CTIF: variants seen among roughly 807,000 people sequenced by gnomAD.
The protein encoded by CTIF is cap binding complex dependent translation initiation factor.
Under a neutral mutation model 66.0 loss-of-function variants are expected in CTIF, and 21 were observed. The ratio of observed to expected loss-of-function variants is 0.32; its 90% CI spans 0.23 to 0.46. The LOEUF (loss-of-function observed/expected upper bound fraction) is 0.46, where lower values mean the gene tolerates loss of function less well. Ranked by LOEUF, CTIF falls within the 20% of genes least tolerant of loss-of-function variation. The pLI, the probability that CTIF is intolerant of heterozygous loss-of-function variation, is 1.00. For missense variants in CTIF, 739 were observed against 812.7 expected (o/e 0.91, Z 1.10); for synonymous variants, 345 against 326.4 (o/e 1.06, Z -0.62).
At chr18:48,759,698 G>A (rs938382064) in intron 8 of CTIF, among the ~76,000 whole-genome samples, 1 of 152,246 alleles carries the variant, frequency 6.6e-6, no homozygotes, top group African/African-American at 2.4e-5. Context: ...AAGGTTAAAT[G>A]AAATAACGTG....
chr18:48,713,915 G>T (rs995632725), intron 7 of CTIF, among the ~76,000 whole-genome samples: 3 of 152,212 alleles, frequency 2.0e-5, no homozygotes, highest in Admixed American at 1.3e-4. Flanking sequence ...TGTGCTCGTC[G>T]GGGCGCCCCG....
chr18:48,597,718 C>G (rs533444884), intron 1 of CTIF, among the ~76,000 whole-genome samples: 7 of 152,168 alleles, frequency 4.6e-5, no homozygotes, highest in Admixed American at 4.6e-4. Context: ...ACCAATGAAG[C>G]CTTTTTTCTT....
chr18:48,579,507 T>C (rs1442294833), intron 1 of CTIF, among the ~76,000 whole-genome samples: 1 of 152,206 alleles, frequency 6.6e-6, no homozygotes, highest in African/African-American at 2.4e-5. Flanking sequence ...AAAATGTTTT[T>C]TCCATTGAAT....
At chr18:48,853,670 C>G (rs1278642083) in intron 10 of CTIF, among the ~76,000 whole-genome samples, 1 of 152,220 alleles carries the variant, frequency 6.6e-6, no homozygotes, top group Non-Finnish European at 1.5e-5. Flanking sequence ...GAAAGTGGCT[C>G]TGGCCAATCA....
At chr18:48,802,968 G>A (rs2068076499) in intron 9 of CTIF, among the ~76,000 whole-genome samples, 1 of 152,236 alleles carries the variant, frequency 6.6e-6, no homozygotes, top group Non-Finnish European at 1.5e-5. Flanking sequence ...CACAGCCACA[G>A]CAGGTGCTGG....
intron 1 of CTIF, among the ~76,000 whole-genome samples, chr18:48,543,010 G>GC (rs2088656916): frequency 1.3e-5 from 2 of 152,220 alleles, no homozygotes; most frequent in African/African-American, 4.8e-5. Flanking sequence ...TCTCACTCAG[G>GC]CCCTGCCTGG....
At chr18:48,569,398 C>T (rs1463692163) in intron 1 of CTIF, among the ~76,000 whole-genome samples, 1 of 151,050 alleles carries the variant, frequency 6.6e-6, no homozygotes. Context: ...GAACAAAGAT[C>T]AGCAAGTGAT....
intron 2 of CTIF, among the ~76,000 whole-genome samples, chr18:48,632,161 A>G (rs9949975): frequency 0.015 from 2,333 of 152,294 alleles, 62 homozygotes; most frequent in African/African-American, 0.054. Flanking sequence ...GGGCCAGGGA[A>G]GAAGCGTGTC....
intron 6 of CTIF, among the ~76,000 whole-genome samples, chr18:48,678,804 G>A (rs1429089989): frequency 6.6e-6 from 1 of 152,052 alleles, no homozygotes; most frequent in Non-Finnish European, 1.5e-5. Flanking sequence ...GGCTTCAAGG[G>A]GCCTGGGCAA....
chr18:48,558,817 C>G (rs988910581), intron 1 of CTIF, among the ~76,000 whole-genome samples: 2 of 152,162 alleles, frequency 1.3e-5, no homozygotes, highest in African/African-American at 2.4e-5. Context: ...ATCAAACATG[C>G]TGCAATAAAA....
At chr18:48,612,227 G>T (rs895517157) in intron 1 of CTIF, among the ~76,000 whole-genome samples, 3 of 152,234 alleles carry the variant, frequency 2.0e-5, no homozygotes, top group Non-Finnish European at 4.4e-5. Context: ...GAAGGGGAGT[G>T]TGGGCTGGAC....
chr18:48,703,067 C>T (rs1374596910), intron 6 of CTIF, among the ~76,000 whole-genome samples: 1 of 152,116 alleles, frequency 6.6e-6, no homozygotes, highest in Non-Finnish European at 1.5e-5. Context: ...GATGTCTACC[C>T]AGGTTGGGGC....
At chr18:48,713,790 G>A (rs1305798178) in intron 7 of CTIF, among the ~76,000 whole-genome samples, 1 of 152,180 alleles carries the variant, frequency 6.6e-6, no homozygotes, top group Admixed American at 6.5e-5. Flanking sequence ...AGTCAGCTTG[G>A]ATGGAAGAAC....
intron 9 of CTIF, among the ~76,000 whole-genome samples, chr18:48,787,355 A>AAAGG (rs1234215962): frequency 6.6e-6 from 1 of 152,066 alleles, no homozygotes; most frequent in African/African-American, 2.4e-5. Context: ...AAATAGGGAG[A>AAAGG]AAGGAAGGAA....
intron 7 of CTIF, among the ~76,000 whole-genome samples, chr18:48,749,299 G>A (rs926839570): frequency 2.6e-5 from 4 of 152,206 alleles, no homozygotes; most frequent in Admixed American, 1.3e-4. Flanking sequence ...TTGGGCTGGG[G>A]ATAAAGGAAG....
chr18:48,840,618 T>C (rs1300133887), intron 10 of CTIF, among the ~76,000 whole-genome samples: 1 of 152,176 alleles, frequency 6.6e-6, no homozygotes, highest in Admixed American at 6.5e-5. Context: ...CCAGGCCCTT[T>C]TCTCAGCCCA....
Position 48,580,890 on chromosome 18 carries a change from C to G in CTIF, c.-28-38648C>G, listed in dbSNP as rs145390235. ...TGGCAGGATGTGGATTCACCAGGGC[C>G]GGGGGCACGGGATTGGATATCAACT... On this transcript the variant is annotated intron_variant, in intron 1 of 11. Coordinates refer to ENST00000256413, the MANE Select transcript of CTIF (RefSeq NM_014772.3). Among the ~76,000 whole-genome samples, 639 of 152,288 alleles carry G rather than the reference C, an allele frequency of 4.2e-3. 8 individuals carry two copies. The highest frequency in any genetic ancestry group is 0.014 in the African/African-American group (600 of 41,542).
At chr18:48,848,291 G>T (rs1487568878) in intron 10 of CTIF, among the ~76,000 whole-genome samples, 1 of 152,144 alleles carries the variant, frequency 6.6e-6, no homozygotes, top group Non-Finnish European at 1.5e-5. Context: ...GGCCCAGCCA[G>T]CCAACCTCAG....
At chr18:48,563,237 G>C (rs1354569451) in intron 1 of CTIF, among the ~76,000 whole-genome samples, 1 of 89,436 alleles carries the variant, frequency 1.1e-5, no homozygotes, top group African/African-American at 3.3e-5. Flanking sequence ...TCCACCCTTG[G>C]GGATGTAAAC....
Sources: gnomAD v4.1 joint callset for allele counts (sites outside exome capture counted in the v4.1 genomes callset) on GRCh38, gnomAD v4.1.1 for gene constraint, MANE v1.5 for transcripts, NCBI Gene and HGNC (gene_info 2026-07-23, HGNC 2026-07-21) for gene names.